NALF1: variants seen among roughly 807,000 people sequenced by gnomAD.
The protein encoded by NALF1 is NALCN channel auxiliary factor 1.
A neutral mutation model predicts 48.4 loss-of-function variants in NALF1; 3 were observed. The ratio of observed to expected loss-of-function variants is 0.06; its 90% CI spans 0.03 to 0.16. The LOEUF is 0.16. NALF1 is among the 10% of genes least tolerant of loss of function. The pLI, the probability that NALF1 is intolerant of heterozygous loss-of-function variation, is 1.00. For missense variants in NALF1, 526 were observed against 571.5 expected (o/e 0.92, Z 0.81); for synonymous variants, 262 against 245.7 (o/e 1.07, Z -0.62).
At chr13:107,304,995 T>A (rs1881908106) in intron 1 of NALF1, among the ~76,000 whole-genome samples, 1 of 152,204 alleles carries the variant, frequency 6.6e-6, no homozygotes, top group African/African-American at 2.4e-5. Flanking sequence ...TCAGTATGCA[T>A]GGTGATAATA....
At chr13:107,341,517 C>T (rs1234540965) in intron 1 of NALF1, among the ~76,000 whole-genome samples, 2 of 151,876 alleles carry the variant, frequency 1.3e-5, no homozygotes. Flanking sequence ...TTTTACTTAT[C>T]TGCAAAATGG....
At chr13:107,337,041 C>A (rs9520391) in intron 1 of NALF1, among the ~76,000 whole-genome samples, 127,713 of 129,068 alleles carry the variant, frequency 0.99, 63,187 homozygotes, top group Middle Eastern at 1. Context: ...TCTTTCATTC[C>A]CCAAAAAAAA....
chr13:107,245,898 T>A (rs1880573115), intron 1 of NALF1, among the ~76,000 whole-genome samples: 1 of 152,056 alleles, frequency 6.6e-6, no homozygotes, highest in Admixed American at 6.6e-5. Flanking sequence ...CTGAATGGAG[T>A]GTGCATGGTT....
intron 1 of NALF1, among the ~76,000 whole-genome samples, chr13:107,543,421 G>A (rs1877044948): frequency 6.6e-6 from 1 of 151,936 alleles, no homozygotes; most frequent in East Asian, 1.9e-4. Context: ...ATCCACGTCT[G>A]TCCTGTTCTT....
At position 107,659,116 on chromosome 13, in the gene NALF1, C is replaced by CACACAG. The variant is rs1218518316; in HGVS notation, c.915+206565_915+206566insCTGTGT. Among the ~76,000 whole-genome samples, 124 of 144,784 alleles carry CACACAG rather than the reference C, an allele frequency of 8.6e-4. 1 individual carries two copies. Among genetic ancestry groups the CACACAG allele is most frequent in the African/African-American group, 3.1e-3 (118 of 37,990 alleles). The allele number at this position is 144,784 out of a possible 152,430, so 95.0% of individuals were successfully genotyped here. On this transcript the variant is annotated intron_variant, in intron 1 of 2. Transcript: ENST00000375915. ...CAGCACTGACACACTGACACACAGACACACACACACACACACACACACACA... is the reference window on the plus strand; with the variant it reads ...CAGCACTGACACACTGACACACAGACACACAGACACACACACACACACACACACACA...
intron 1 of NALF1, among the ~76,000 whole-genome samples, chr13:107,828,788 C>T (rs1879612480): frequency 1.3e-5 from 2 of 151,968 alleles, no homozygotes; most frequent in African/African-American, 2.4e-5. Context: ...TCAAAACCTA[C>T]AAAAAACAGA....
At chr13:107,213,188 T>G (rs1352167771) in intron 1 of NALF1, among the ~76,000 whole-genome samples, 1 of 147,228 alleles carries the variant, frequency 6.8e-6, no homozygotes, top group Non-Finnish European at 1.5e-5. Context: ...GCTCCTTAAA[T>G]TCTATTTCCG....
intron 1 of NALF1, among the ~76,000 whole-genome samples, chr13:107,630,353 G>C (rs1879801724): frequency 6.6e-6 from 1 of 152,014 alleles, no homozygotes; most frequent in Non-Finnish European, 1.5e-5. Flanking sequence ...TGACTTTAGG[G>C]CCCTTTCTGA....
chr13:107,371,776 T>C (rs1883252549), intron 1 of NALF1, among the ~76,000 whole-genome samples: 1 of 152,210 alleles, frequency 6.6e-6, no homozygotes, highest in African/African-American at 2.4e-5. Flanking sequence ...AAATCAGCTA[T>C]TCTTTATTCA....
At chr13:107,179,482 A>T (rs1174440201) in intron 2 of NALF1, among the ~76,000 whole-genome samples, 1 of 152,048 alleles carries the variant, frequency 6.6e-6, no homozygotes, top group Non-Finnish European at 1.5e-5. Context: ...GTCAACAATG[A>T]TGTATTGTAC....
Position 107,700,681 on chromosome 13 carries a change from A to C in NALF1, c.915+165001T>G, listed in dbSNP as rs77874734. 0.023 allele frequency among the ~76,000 whole-genome samples: 3,572 copies of C among 152,188 alleles called. 353 individuals carry two copies. The East Asian group carries it at 0.34, about 14-fold the overall frequency. ...TGTGAAGCAAAGAAAATAATCTACA[A>C]AATGAAAAATCAACCTACAAACTGG... On this transcript the variant is annotated intron_variant, in intron 1 of 2. Coordinates refer to ENST00000375915, the MANE Select transcript of NALF1 (RefSeq NM_001080396.3).
chr13:107,235,801 T>A (rs1052570860), intron 1 of NALF1, among the ~76,000 whole-genome samples: 1 of 152,104 alleles, frequency 6.6e-6, no homozygotes, highest in African/African-American at 2.4e-5. Context: ...TTCTAAAGAG[T>A]TATGACAGAA....
At chr13:107,501,176 C>T (rs767958869) in intron 1 of NALF1, among the ~76,000 whole-genome samples, 1 of 152,052 alleles carries the variant, frequency 6.6e-6, no homozygotes, top group Non-Finnish European at 1.5e-5. Flanking sequence ...GTCATGGCCT[C>T]ACATGGCAGA....
chr13:107,208,464 G>A (rs959659577), intron 2 of NALF1, among the ~76,000 whole-genome samples: 19 of 152,170 alleles, frequency 1.2e-4, no homozygotes, highest in African/African-American at 3.4e-4. Context: ...TGGAGGAAGT[G>A]GGTGAACATT....
At position 107,603,129 on chromosome 13, in the gene NALF1, G is replaced by A. The variant is rs184352439; in HGVS notation, c.915+262553C>T. 5.8e-3 allele frequency among the ~76,000 whole-genome samples: 883 copies of A among 152,092 alleles called. 4 individuals are homozygous for A. Among genetic ancestry groups the A allele is most frequent in the Middle Eastern group, 0.048 (14 of 294 alleles). On this transcript the variant is annotated intron_variant, in intron 1 of 2. Transcript: ENST00000375915. ...AAGCAATGCTAAAATTAACAAAAAC[G>A]ATCATTTTTATTTTTCATTGTACTG... is the stretch of plus-strand genomic sequence containing the variant.
At chr13:107,657,282 G>C (rs1443777664) in intron 1 of NALF1, among the ~76,000 whole-genome samples, 1 of 152,008 alleles carries the variant, frequency 6.6e-6, no homozygotes, top group Non-Finnish European at 1.5e-5. Flanking sequence ...GAGAGAGAGA[G>C]TGAAATTATA....
At chr13:107,267,273 T>C (rs1566469231) in intron 1 of NALF1, among the ~76,000 whole-genome samples, 1 of 152,120 alleles carries the variant, frequency 6.6e-6, no homozygotes, top group Non-Finnish European at 1.5e-5. Flanking sequence ...TAGGTGAGAA[T>C]GTAGATACCA....
intron 1 of NALF1, among the ~76,000 whole-genome samples, chr13:107,288,762 A>G (rs1881555953): frequency 6.6e-6 from 1 of 150,598 alleles, no homozygotes; most frequent in African/African-American, 2.5e-5. Flanking sequence ...TGAAGTCCTG[A>G]CCTATGGTGA....
rs190430534 is a variant in NALF1 at position 107,468,312 on chromosome 13, A to G, written c.916-257557T>C. On this transcript the variant is annotated intron_variant, in intron 1 of 2. Coordinates refer to ENST00000375915, the MANE Select transcript of NALF1 (RefSeq NM_001080396.3). ...CCACTATGCCAAAAAGTTTGATTCC[A>G]TTCAACAAATATTAACAGGTACAAA... is the stretch of plus-strand genomic sequence containing the variant. Among the ~76,000 whole-genome samples the G allele has an allele frequency of 8.4e-4, 128 of 152,342 alleles. 2 individuals are homozygous for G. Among genetic ancestry groups the G allele is most frequent in the Non-Finnish European group, 1.5e-4 (10 of 68,026 alleles).
Sources: gnomAD v4.1 joint callset for allele counts (sites outside exome capture counted in the v4.1 genomes callset) on GRCh38, gnomAD v4.1.1 for gene constraint, MANE v1.5 for transcripts, NCBI Gene and HGNC (gene_info 2026-07-23, HGNC 2026-07-21) for gene names.